The following WWOX variants were observed in gnomAD, a reference collection of about 807,000 sequenced individuals.
WWOX encodes WW domain containing oxidoreductase, also known as WW domain-containing oxidoreductase.
WWOX carries 69 observed loss-of-function variants against 46.2 expected under a neutral mutation model. The observed-to-expected ratio is 1.49, with a 90% CI of 1.23 to 1.82. The LOEUF is 1.82. WWOX is among the 40% of genes most tolerant of loss of function. The pLI is 0.00. For missense variants in WWOX, 919 were observed against 542.6 expected (o/e 1.69, Z -6.89); for synonymous variants, 359 against 202.6 (o/e 1.77, Z -6.56).
chr16:79,057,255 G>A (rs2048280241), intron 8 of WWOX, among the ~76,000 whole-genome samples: 1 of 152,120 alleles, frequency 6.6e-6, no homozygotes, highest in South Asian at 2.1e-4. Context: ...TCTTCCAATG[G>A]CAAACTTATG....
intron 8 of WWOX, among the ~76,000 whole-genome samples, chr16:79,033,177 A>G (rs1300290724): frequency 6.9e-6 from 1 of 144,354 alleles, no homozygotes; most frequent in Non-Finnish European, 1.5e-5. Flanking sequence ...AATATATATT[A>G]TGTATAGATA....
chr16:78,397,745 C>G (rs1255721804), intron 6 of WWOX, among the ~76,000 whole-genome samples: 2 of 152,198 alleles, frequency 1.3e-5, no homozygotes, highest in Non-Finnish European at 2.9e-5. Flanking sequence ...TTTCCTTTTT[C>G]TCAGGATCAC....
At chr16:78,334,210 A>G (rs1022092778) in intron 5 of WWOX, among the ~76,000 whole-genome samples, 4 of 152,222 alleles carry the variant, frequency 2.6e-5, no homozygotes, top group African/African-American at 9.6e-5. Context: ...AAATGATACC[A>G]CATCGCTGCC....
chr16:78,833,736 G>T (rs1310337115), intron 8 of WWOX, among the ~76,000 whole-genome samples: 4 of 152,184 alleles, frequency 2.6e-5, no homozygotes, highest in African/African-American at 9.7e-5. Flanking sequence ...TGTGAAACTG[G>T]GTATGACTAC....
intron 6 of WWOX, among the ~76,000 whole-genome samples, chr16:78,409,043 C>T (rs1028332482): frequency 6.6e-6 from 1 of 152,170 alleles, no homozygotes; most frequent in Non-Finnish European, 1.5e-5. Context: ...AAGGCTGCTG[C>T]TTATAGCTCT....
chr16:78,248,650 T>C (rs557726003), intron 5 of WWOX, among the ~76,000 whole-genome samples: 80 of 152,082 alleles, frequency 5.3e-4, no homozygotes, highest in African/African-American at 1.8e-3. Flanking sequence ...GCAGGAGAAT[T>C]GCTTGAACCC....
intron 5 of WWOX, among the ~76,000 whole-genome samples, chr16:78,169,852 G>A (rs1253377296): frequency 6.6e-6 from 1 of 152,118 alleles, no homozygotes; most frequent in East Asian, 1.9e-4. Flanking sequence ...TGTTCCTCAT[G>A]CCTGCCAGGC....
chr16:79,075,575 C>A (rs1244353710), intron 8 of WWOX, among the ~76,000 whole-genome samples: 1 of 150,400 alleles, frequency 6.6e-6, no homozygotes, highest in Admixed American at 6.6e-5. Flanking sequence ...TTTGTTTAGA[C>A]GGAGTCTTGC....
chr16:79,050,965 G>C (rs188228650), intron 8 of WWOX, among the ~76,000 whole-genome samples: 19 of 152,348 alleles, frequency 1.2e-4, no homozygotes, highest in African/African-American at 2.9e-4. Context: ...TAGCAGCCTT[G>C]AGTGCTCCTT....
At chr16:79,180,998 G>A (rs370567949) in intron 8 of WWOX, among the ~76,000 whole-genome samples, 16 of 152,016 alleles carry the variant, frequency 1.1e-4, no homozygotes, top group African/African-American at 2.7e-4. Flanking sequence ...ATTTTTTAGC[G>A]TATTAGATTT....
intron 8 of WWOX, among the ~76,000 whole-genome samples, chr16:78,433,009 T>C (rs979659473): frequency 2.9e-5 from 4 of 139,172 alleles, no homozygotes; most frequent in South Asian, 2.3e-4. Context: ...CTTATGGAAA[T>C]GGTGATTTTT....
intron 8 of WWOX, among the ~76,000 whole-genome samples, chr16:78,644,773 A>C (rs1434984337): frequency 6.6e-6 from 1 of 152,188 alleles, no homozygotes; most frequent in Admixed American, 6.5e-5. Flanking sequence ...AAACCTCGGC[A>C]CTTTTATCCA....
chr16:78,167,351 T>G (rs1201231226), intron 5 of WWOX: 1 of 152,170 alleles, frequency 6.6e-6, no homozygotes, highest in African/African-American at 2.4e-5. Context: ...CAGTCTTTCT[T>G]TCTTATATTT....
intron 2 of WWOX, 104 bp from the exon 3 acceptor site, chr16:78,109,674 G>A: frequency 8.8e-7 from 1 of 1,134,576 alleles, no homozygotes; most frequent in Non-Finnish European, 1.3e-6. Context: ...TGGGTGGGAG[G>A]GACAGGCTTG....
intron 8 of WWOX, among the ~76,000 whole-genome samples, chr16:78,691,647 G>A (rs747230739): frequency 1.3e-5 from 2 of 152,182 alleles, no homozygotes; most frequent in Non-Finnish European, 2.9e-5. Context: ...GGTTGAGAGT[G>A]CAGTGAGCCG....
intron 8 of WWOX, among the ~76,000 whole-genome samples, chr16:78,494,459 TAATA>T (rs1234049944): frequency 6.9e-6 from 1 of 144,662 alleles, no homozygotes; most frequent in African/African-American, 2.5e-5. Flanking sequence ...TTGGATGGTT[TAATA>T]AATAAGATTG....
At position 79,075,803 on chromosome 16, in the gene WWOX, G is replaced by C. The variant is rs142819552; in HGVS notation, c.1057-135805G>C. 2.0e-3 allele frequency among the ~76,000 whole-genome samples: 311 copies of C among 152,154 alleles called. 1 individual carries two copies. The highest frequency in any genetic ancestry group is 7.2e-3 in the African/African-American group (299 of 41,516). ...GAAGCAAGAGAGGTTTACATACATG[G>C]TGTACATATACCTCGGCAGCCTGTT... is the stretch of plus-strand genomic sequence containing the variant. On this transcript the variant is annotated intron_variant, in intron 8 of 8. Transcript: ENST00000566780.
chr16:79,034,518 C>T (rs1323130857), intron 8 of WWOX, among the ~76,000 whole-genome samples: 1 of 152,150 alleles, frequency 6.6e-6, no homozygotes, highest in Non-Finnish European at 1.5e-5. Context: ...AGTATTTTGC[C>T]CCCTCACCGA....
chr16:78,944,623 T>C (rs933981136), intron 8 of WWOX, among the ~76,000 whole-genome samples: 3 of 152,186 alleles, frequency 2.0e-5, no homozygotes, highest in African/African-American at 7.2e-5. Flanking sequence ...CTGGGATCTT[T>C]GGAATGAATG....
Sources: allele counts gnomAD v4.1 joint callset (sites outside exome capture counted in the v4.1 genomes callset), GRCh38; gene constraint gnomAD v4.1.1; transcripts MANE v1.5; gene names NCBI Gene and HGNC (gene_info 2026-07-23, HGNC 2026-07-21).